The following PIGG variants were observed in gnomAD, a reference collection of about 807,000 sequenced individuals.
PIGG encodes the protein GPI ethanolamine phosphate transferase 2, catalytic subunit.
Under a neutral mutation model 83.2 loss-of-function variants are expected in PIGG, and 70 were observed. The ratio of observed to expected loss-of-function variants is 0.84; its 90% CI spans 0.69 to 1.03. The LOEUF is 1.03. PIGG is among the 50% of genes least tolerant of loss of function. The probability of loss-of-function intolerance (pLI) is 0.00; values close to 1 mark genes in which losing one functional copy is unlikely to be tolerated. For synonymous variants in PIGG, 532 were observed against 519.5 expected (o/e 1.02, Z -0.33); for missense variants, 1,257 against 1,233.6 (o/e 1.02, Z -0.28).
At chr4:513,363 A>G (rs1722853660) in intron 5 of PIGG, among the ~76,000 whole-genome samples, 1 of 152,192 alleles carries the variant, frequency 6.6e-6, no homozygotes, top group Non-Finnish European at 1.5e-5. Flanking sequence ...TATTTTGAAA[A>G]TAAGCGGTTT....
intron 7 of PIGG, 144 bp from the exon 8 acceptor site, chr4:521,516 G>T (rs953339477): frequency 1.6e-5 from 13 of 820,388 alleles, no homozygotes; most frequent in Non-Finnish European, 2.4e-5. Flanking sequence ...TTTTGGGGCA[G>T]TTAATTAGGA....
intron 6 of PIGG, among the ~76,000 whole-genome samples, chr4:518,112 G>T (rs1193454890): frequency 6.6e-6 from 1 of 152,168 alleles, no homozygotes; most frequent in Non-Finnish European, 1.5e-5. Flanking sequence ...GTGTCTGGAG[G>T]CCCCACCGAG....
At chr4:517,039 G>A (rs112505744) in intron 6 of PIGG, among the ~76,000 whole-genome samples, 2,255 of 152,146 alleles carry the variant, frequency 0.015, 46 homozygotes, top group African/African-American at 0.047. Context: ...GCAGGGGCCA[G>A]AGTGGCAAGG....
At chr4:512,595 T>A (rs1722446584) in intron 5 of PIGG, among the ~76,000 whole-genome samples, 1 of 151,806 alleles carries the variant, frequency 6.6e-6, no homozygotes, top group East Asian at 2.0e-4. Context: ...GGCGGGTGGA[T>A]CACAAGGGCA....
intron 3 of PIGG, 61 bp downstream of exon 3, chr4:505,988 A>G: frequency 8.7e-7 from 1 of 1,143,586 alleles, no homozygotes; most frequent in East Asian, 2.5e-5. Flanking sequence ...AGAGCCTGGC[A>G]TCCCATTACT....
chr4:515,151 G>A lies in PIGG; in HGVS notation c.902-822G>A, dbSNP rs148496551. ...ACCTGAGTATCTAAAGACACCTCAC[G>A]CACCACCTATCCTGAGTAGCCGTCC... On this transcript the variant is annotated intron_variant, in intron 5 of 12. Coordinates refer to ENST00000453061, the MANE Select transcript of PIGG (RefSeq NM_001127178.3). This position sits in a 1 kb window ranked among gnomAD's most constrained non-coding sequence, Gnocchi z 4.2. Among the ~76,000 whole-genome samples the A allele has an allele frequency of 5.1e-4, 78 of 152,330 alleles. 1 individual carries two copies. In the East Asian group the frequency reaches 0.014, roughly 28 times the overall value.
intron 12 of PIGG, among the ~76,000 whole-genome samples, chr4:535,523 C>G (rs1730333647): frequency 8.5e-6 from 1 of 117,100 alleles, no homozygotes; most frequent in African/African-American, 3.8e-5. Flanking sequence ...TCAGCCAGAG[C>G]TTTGCGTGTG....
At chr4:538,005 T>C (rs528641460) in intron 12 of PIGG, among the ~76,000 whole-genome samples, 36 of 136,032 alleles carry the variant, frequency 2.6e-4, no homozygotes, top group African/African-American at 7.1e-4. Context: ...CAGACACACA[T>C]ACGTGCCGAC....
chr4:528,800 T>C lies in PIGG; in HGVS notation c.2261+1570T>C. ...TTCCTGGCCTGCTTCCTGCAGCATG[T>C]AATTTGCTAGTGTCCAGAACTAGCC... On this transcript the variant is annotated intron_variant, in intron 10 of 12. Coordinates refer to ENST00000453061, the MANE Select transcript of PIGG (RefSeq NM_001127178.3). This position sits in a 1 kb window ranked among gnomAD's most constrained non-coding sequence, Gnocchi z 4.8. 1.1e-6 allele frequency: 1 copy of C among 877,034 alleles called. No individual in the cohort carries two copies. Among genetic ancestry groups the C allele is most frequent in the Non-Finnish European group, 1.4e-6 (1 of 731,230 alleles). The allele number at this position is 877,034 out of a possible 1,614,324, so 54.3% of individuals were successfully genotyped here.
chr4:527,600 T>G, intron 10 of PIGG: 1 of 1,008,942 alleles, frequency 9.9e-7, no homozygotes. Context: ...GGTTCTGTTT[T>G]CCTGGTCAGG....
chr4:527,555 C>T (rs1045773384), intron 10 of PIGG: 14 of 1,057,484 alleles, frequency 1.3e-5, no homozygotes, highest in South Asian at 4.1e-5. Context: ...GAGCGTGAAT[C>T]GGTTTCTAAG....
chr4:506,742 C>T (rs376611888), intron 3 of PIGG: 28 of 455,850 alleles, frequency 6.1e-5, no homozygotes, highest in African/African-American at 1.2e-4. Flanking sequence ...ATCTCTCCTC[C>T]GTGATGTGTT....
intron 4 of PIGG, among the ~76,000 whole-genome samples, chr4:508,502 G>A (rs1242041419): frequency 3.3e-5 from 5 of 152,224 alleles, no homozygotes; most frequent in African/African-American, 7.2e-5. Flanking sequence ...CAGATGAGGC[G>A]ACCAAGGCAC....
At chr4:534,402 T>C (rs2109037292) in intron 12 of PIGG, among the ~76,000 whole-genome samples, 1 of 150,798 alleles carries the variant, frequency 6.6e-6, no homozygotes, top group African/African-American at 2.5e-5. Flanking sequence ...CCAGAGACCC[T>C]GCTGGAGCGC....
intron 8 of PIGG, 45 bp downstream of exon 8, chr4:521,986 C>G (rs115274562): frequency 6.9e-6 from 11 of 1,598,848 alleles, no homozygotes; most frequent in African/African-American, 1.3e-5. Flanking sequence ...TCCTTCTGCT[C>G]AGGTTGTTCT....
chr4:520,543 C>T (rs1011643195), intron 6 of PIGG, among the ~76,000 whole-genome samples: 1 of 152,144 alleles, frequency 6.6e-6, no homozygotes, highest in Non-Finnish European at 1.5e-5. Context: ...CGTTAGAGGT[C>T]GGGAAGGGCC....
At chr4:503,389 G>T (rs1718446330) in intron 2 of PIGG, among the ~76,000 whole-genome samples, 1 of 152,170 alleles carries the variant, frequency 6.6e-6, no homozygotes, top group Admixed American at 6.5e-5. Context: ...GTCCCTCAAG[G>T]CTCTGCGTGG....
intron 4 of PIGG, among the ~76,000 whole-genome samples, chr4:508,095 C>T (rs1346876034): frequency 6.6e-6 from 1 of 152,134 alleles, no homozygotes; most frequent in African/African-American, 2.4e-5. Flanking sequence ...GTGAAACAGT[C>T]GATAATCCCT....
At chr4:530,292 T>G in intron 10 of PIGG, 144 bp from the exon 11 acceptor site, 1 of 628,696 alleles carries the variant, frequency 1.6e-6, no homozygotes, top group Non-Finnish European at 2.8e-6. Flanking sequence ...ACCTGGGGGG[T>G]AGGGAGGGTG....
Sources: allele counts gnomAD v4.1 joint callset (sites outside exome capture counted in the v4.1 genomes callset), GRCh38; gene constraint gnomAD v4.1.1; non-coding constraint Gnocchi (gnomAD v3.1); transcripts MANE v1.5; gene names NCBI Gene and HGNC (gene_info 2026-07-23, HGNC 2026-07-21).